The following LDHC variants were observed in gnomAD, a reference collection of about 807,000 sequenced individuals.
LDHC encodes the protein L-lactate dehydrogenase C chain.
Under a neutral mutation model 30.2 loss-of-function variants are expected in LDHC, and 20 were observed. That is an observed-to-expected ratio of 0.66 (90% CI 0.47 to 0.96). LDHC has a LOEUF of 0.96. Among genes scored for constraint, LDHC ranks in the 40% least tolerant of loss-of-function variants. The pLI is 0.00. For synonymous variants in LDHC, 139 were observed against 132.7 expected, an observed-to-expected ratio of 1.05 and a Z score of -0.32; for missense variants, 362 against 394.9, an observed-to-expected ratio of 0.92 and a Z score of 0.71.
chr11:18,438,514 T>A lies in LDHC; in HGVS notation c.593-14T>A, dbSNP rs575397481. On this transcript the variant is annotated splice_polypyrimidine_tract_variant and intron_variant, in intron 5 of 7. Transcript: ENST00000541669. ...TTGGGAAGAAGAGTTTATTTTGAGA[T>A]CTGTATTTTTTAGTGCCCTTATGGA... The A allele has an allele frequency of 3.6e-5, 54 of 1,509,112 alleles. 1 individual carries two copies. In the South Asian group the frequency reaches 6.0e-4, roughly 17 times the overall value. 93.5% of individuals were successfully genotyped at this position (1,509,112 alleles called of 1,614,324 possible).
At chr11:18,440,176 T>C (rs892980236) in intron 6 of LDHC, among the ~76,000 whole-genome samples, 3 of 146,116 alleles carry the variant, frequency 2.1e-5, no homozygotes, top group Non-Finnish European at 3.0e-5. Flanking sequence ...TAGCCGGGTG[T>C]GGTGGTGTGC....
At chr11:18,415,124 C>A in intron 2 of LDHC, 60 bp from the exon 3 acceptor site, 1 of 846,010 alleles carries the variant, frequency 1.2e-6, no homozygotes, top group South Asian at 1.7e-5. Context: ...CATGAAAATT[C>A]TTCTTATTCT....
chr11:18,430,004 C>G (rs775923754), intron 4 of LDHC, 94 bp downstream of exon 4: 1 of 730,030 alleles, frequency 1.4e-6, no homozygotes, highest in East Asian at 2.6e-5. Context: ...CATTTATATA[C>G]AATAAATTGC....
rs774305161 is a variant in LDHC, at chr11:18,412,808, G to A, written c.91G>A (p.Val31Ile). The change falls in exon 2 of 8, where the codon GTA becomes ATA. Residue 31 changes from valine (V) to isoleucine (I), a missense_variant. By Grantham distance (29) the Val-to-Ile change is conservative. Coordinates refer to ENST00000541669, the MANE Select transcript of LDHC (RefSeq NM_017448.5). Reference protein sequence around the residue: ...CKITIVGTGAVGMACAISILL... With the variant: ...CKITIVGTGAIGMACAISILL... Reference sequence around the variant, plus strand: ...AATTACTATTGTTGGAACTGGTGCCGTAGGCATGGCTTGTGCTATTAGTAT... The same window carrying A: ...AATTACTATTGTTGGAACTGGTGCCATAGGCATGGCTTGTGCTATTAGTAT... The A allele has an allele frequency of 1.1e-5, 17 of 1,613,766 alleles. No homozygotes were observed. Among genetic ancestry groups the A allele is most frequent in the Non-Finnish European group, 1.4e-5 (17 of 1,179,816 alleles).
intron 3 of LDHC, among the ~76,000 whole-genome samples, chr11:18,422,285 A>G (rs1848076035): frequency 6.6e-6 from 1 of 151,804 alleles, no homozygotes; most frequent in Admixed American, 6.6e-5. Flanking sequence ...GCCGGGCACG[A>G]TGGCCCATGC....
At chr11:18,444,841 A>C (rs947409012) in intron 6 of LDHC, among the ~76,000 whole-genome samples, 43 of 151,696 alleles carry the variant, frequency 2.8e-4, no homozygotes, top group African/African-American at 9.4e-4. Flanking sequence ...GTCAATCCAA[A>C]CCTGAGACCA....
rs35976847 is a variant in LDHC at position 18,436,481 on chromosome 11, G to GTTTT, written c.592+1587_592+1590dup. Among the ~76,000 whole-genome samples, 77 of 108,176 alleles carry GTTTT rather than the reference G, an allele frequency of 7.1e-4. 1 individual carries two copies. The highest frequency in any genetic ancestry group is 1.0e-3 in the Non-Finnish European group (59 of 57,616). The allele number at this position is 108,176 out of a possible 152,430, so 71.0% of individuals were successfully genotyped here. Reference sequence around the variant, plus strand: ...TTACTCTCCTTTGGGATAATACAAAGTTTTTTTTTTTTTTTTTTTTTTGAG... The same window carrying GTTTT: ...TTACTCTCCTTTGGGATAATACAAAGTTTTTTTTTTTTTTTTTTTTTTTTTTGAG... On this transcript the variant is annotated intron_variant, in intron 5 of 7. Transcript: ENST00000541669.
At position 18,412,691 on chromosome 11, in the gene LDHC, TTGCATTATCCC is replaced by T; in HGVS notation, c.-9-16_-9-6del. On this transcript the variant is annotated splice_polypyrimidine_tract_variant and splice_region_variant and intron_variant, in intron 1 of 7. Coordinates refer to ENST00000541669, the MANE Select transcript of LDHC (RefSeq NM_017448.5). The stretch of plus-strand genomic sequence containing the variant: ...GTTCAGTGTGGTTAATCCAATGAAA[TTGCATTATCCC>T]TATCAGGTTCTCCAAATGTCAACTG... The T allele has an allele frequency of 6.2e-7, 1 of 1,607,772 alleles. No individual in the cohort carries two copies. The highest frequency in any genetic ancestry group is 8.5e-7 in the Non-Finnish European group (1 of 1,176,728).
intron 3 of LDHC, among the ~76,000 whole-genome samples, chr11:18,429,412 C>T (rs979671292): frequency 6.6e-6 from 1 of 152,044 alleles, no homozygotes; most frequent in Non-Finnish European, 1.5e-5. Flanking sequence ...CGCCTGGCCT[C>T]ATTTTGGTGT....
At position 18,439,073 on chromosome 11, in the gene LDHC, TA is replaced by T. The variant is rs1437257321; in HGVS notation, c.710+429del. Among the ~76,000 whole-genome samples the T allele has an allele frequency of 5.9e-5, 9 of 152,332 alleles. No homozygotes were observed. The South Asian group carries it at 1.2e-3, about 21-fold the overall frequency. ...TAAGTTAATACTACATGTAAAATGC[TA>T]GAACCATGCCAAGAACTTATTAAAT... is the stretch of plus-strand genomic sequence containing the variant. On this transcript the variant is annotated intron_variant, in intron 6 of 7. Transcript: ENST00000541669.
Position 18,439,625 on chromosome 11 carries a change from T to C in LDHC, c.710+980T>C, listed in dbSNP as rs114964057. On this transcript the variant is annotated intron_variant, in intron 6 of 7. Coordinates refer to ENST00000541669, the MANE Select transcript of LDHC (RefSeq NM_017448.5). ...TTTTGGATATTCACAGCTTGGAATA[T>C]TGAACTTAACAAAAACCACAAGTCT... Among the ~76,000 whole-genome samples, 508 of 147,042 alleles carry C rather than the reference T, an allele frequency of 3.5e-3. 7 individuals carry two copies. The highest frequency in any genetic ancestry group is 0.012 in the African/African-American group (492 of 39,898).
intron 4 of LDHC, among the ~76,000 whole-genome samples, chr11:18,432,266 A>G (rs1005578023): frequency 6.6e-5 from 10 of 152,200 alleles, no homozygotes; most frequent in Non-Finnish European, 1.0e-4. Flanking sequence ...ATGTATTTGC[A>G]TGGTTTTGAA....
At chr11:18,419,706 TA>T (rs928547810) in intron 3 of LDHC, among the ~76,000 whole-genome samples, 2 of 151,968 alleles carry the variant, frequency 1.3e-5, no homozygotes, top group Non-Finnish European at 2.9e-5. Context: ...TTATTCTACA[TA>T]AAAAATAAAG....
intron 3 of LDHC, among the ~76,000 whole-genome samples, chr11:18,420,804 T>G (rs1848028834): frequency 6.6e-6 from 1 of 151,674 alleles, no homozygotes; most frequent in South Asian, 2.1e-4. Context: ...AGACAAAAAA[T>G]GAAGGACAGA....
rs1192688509 is a variant in LDHC at position 18,412,727 on chromosome 11, G to C, written c.10G>C (p.Val4Leu). 1.2e-6 allele frequency: 2 copies of C among 1,613,868 alleles called. No individual in the cohort carries two copies. Among genetic ancestry groups the C allele is most frequent in the Admixed American group, 3.3e-5 (2 of 60,000 alleles). MST[V>L]KEQLIEKLIE... is the part of the protein sequence containing the mutation. ...CTATCAGGTTCTCCAAATGTCAACT[G>C]TCAAGGAGCAGCTAATTGAGAAGCT... is the stretch of plus-strand genomic sequence containing the variant. Residue 4 changes from valine to leucine, a missense_variant, in exon 2 of 8, where the codon GTC (valine) becomes CTC (leucine). Coordinates refer to ENST00000541669, the MANE Select transcript of LDHC (RefSeq NM_017448.5).
intron 3 of LDHC, among the ~76,000 whole-genome samples, chr11:18,427,620 C>T (rs1848183716): frequency 6.6e-6 from 1 of 150,732 alleles, no homozygotes; most frequent in Non-Finnish European, 1.5e-5. Context: ...ATCAGGGCAC[C>T]TGGAAAATCT....
chr11:18,420,092 T>TAAAACAACA (rs368969034), intron 3 of LDHC, among the ~76,000 whole-genome samples: 8 of 148,802 alleles, frequency 5.4e-5, no homozygotes, highest in Non-Finnish European at 1.0e-4. Flanking sequence ...GACTCCGTCT[T>TAAAACAACA]AGAACAACAA....
intron 5 of LDHC, among the ~76,000 whole-genome samples, chr11:18,438,170 C>CT (rs1337690028): frequency 6.6e-6 from 1 of 152,102 alleles, no homozygotes. Context: ...TGATGAGGAC[C>CT]TCAGGAAGCT....
intron 3 of LDHC, among the ~76,000 whole-genome samples, chr11:18,419,605 G>T (rs1424871074): frequency 6.6e-6 from 1 of 152,046 alleles, no homozygotes; most frequent in Non-Finnish European, 1.5e-5. Flanking sequence ...AATTAAATCT[G>T]CAAGAAAAGG....
Sources: allele counts gnomAD v4.1 joint callset (sites outside exome capture counted in the v4.1 genomes callset), GRCh38; gene constraint gnomAD v4.1.1; transcripts MANE v1.5; gene names NCBI Gene and HGNC (gene_info 2026-07-23, HGNC 2026-07-21).